ARID4A: variants seen among roughly 807,000 people sequenced by gnomAD.
ARID4A encodes AT-rich interaction domain 4A.
ARID4A carries 39 observed loss-of-function variants against 148.6 expected under a neutral mutation model. The observed-to-expected ratio is 0.26, with a 90% CI of 0.20 to 0.34. The LOEUF (loss-of-function observed/expected upper bound fraction) is 0.34, where lower values mean the gene tolerates loss of function less well. Ranked by LOEUF, ARID4A falls within the 10% of genes least tolerant of loss-of-function variation. ARID4A has a pLI of 1.00. For missense variants in ARID4A, 1,265 were observed against 1,449.1 expected, an observed-to-expected ratio of 0.87 and a Z score of 2.06; for synonymous variants, 475 against 481.2, an observed-to-expected ratio of 0.99 and a Z score of 0.17.
chr14:58,330,403 A>G (rs1159465937), intron 11 of ARID4A, among the ~76,000 whole-genome samples: 1 of 152,214 alleles, frequency 6.6e-6, no homozygotes, highest in African/African-American at 2.4e-5. Context: ...TTAATCAACA[A>G]GTGCAAACTG....
At chr14:58,302,695 C>T (rs2031279462) in intron 3 of ARID4A, among the ~76,000 whole-genome samples, 1 of 151,978 alleles carries the variant, frequency 6.6e-6, no homozygotes, top group South Asian at 2.1e-4. Context: ...TGGCTCACAC[C>T]TGCAGTCCCA....
intron 5 of ARID4A, among the ~76,000 whole-genome samples, chr14:58,315,352 A>C (rs922882113): frequency 1.3e-5 from 2 of 152,204 alleles, no homozygotes; most frequent in African/African-American, 4.8e-5. Context: ...GTTGAAATTC[A>C]AAAATTGCTG....
intron 12 of ARID4A, among the ~76,000 whole-genome samples, chr14:58,345,889 C>T (rs1401920106): frequency 1.3e-5 from 2 of 151,726 alleles, no homozygotes; most frequent in Non-Finnish European, 2.9e-5. Flanking sequence ...CACCACCACA[C>T]TCAGCTAATG....
chr14:58,346,570 G>A (rs1486449176), intron 13 of ARID4A, 65 bp downstream of exon 13: 1 of 1,031,756 alleles, frequency 9.7e-7, no homozygotes, highest in Non-Finnish European at 1.5e-6. Flanking sequence ...ATCTTATATT[G>A]CATTATTATA....
intron 5 of ARID4A, among the ~76,000 whole-genome samples, chr14:58,311,589 A>G (rs2140147104): frequency 6.6e-6 from 1 of 152,336 alleles, no homozygotes; most frequent in South Asian, 2.1e-4. Context: ...ACTCCTGGGT[A>G]TATAACCAAA....
rs1288572543 is a variant in ARID4A, at chr14:58,365,315, G to A, written c.3211+15G>A. 1 of 1,590,386 alleles carries A rather than the reference G, an allele frequency of 6.3e-7. No individual in the cohort carries two copies. ...CAGAGAGAAGGGTAAGGACTTTCTA[G>A]GGAAAAGTAAGTGTTTATATGAAAC... On this transcript the variant is annotated intron_variant, in intron 20 of 23. Coordinates refer to ENST00000355431, the MANE Select transcript of ARID4A (RefSeq NM_002892.4).
At position 58,318,640 on chromosome 14, in the gene ARID4A, A is replaced by G; in HGVS notation, c.354+19A>G. On this transcript the variant is annotated intron_variant, in intron 6 of 23. Coordinates refer to ENST00000355431, the MANE Select transcript of ARID4A (RefSeq NM_002892.4). ...GAGTGAGGTAGGGTGACACGGATGG[A>G]CGATTTGGATTGAACTACAGGTACT... 6.2e-7 allele frequency: 1 copy of G among 1,613,986 alleles called. No individual in the cohort carries two copies. Among genetic ancestry groups the G allele is most frequent in the Non-Finnish European group, 8.5e-7 (1 of 1,179,870 alleles).
At chr14:58,347,180 T>C in intron 14 of ARID4A, 63 bp downstream of exon 14, 2 of 931,810 alleles carry the variant, frequency 2.1e-6, no homozygotes, top group South Asian at 2.0e-5. Context: ...CCATTTACTT[T>C]GTTAACAAGA....
At chr14:58,354,626 T>G (rs2034787899) in intron 17 of ARID4A, among the ~76,000 whole-genome samples, 1 of 150,326 alleles carries the variant, frequency 6.7e-6, no homozygotes, top group Non-Finnish European at 1.5e-5. Context: ...GAGGCTGAGA[T>G]GAGCTATGAT....
chr14:58,338,286 C>T (rs1439576024), intron 11 of ARID4A, among the ~76,000 whole-genome samples: 1 of 152,066 alleles, frequency 6.6e-6, no homozygotes, highest in Non-Finnish European at 1.5e-5. Context: ...TTTAGTATTT[C>T]ACATTTTTAA....
intron 11 of ARID4A, among the ~76,000 whole-genome samples, chr14:58,340,376 G>A (rs949155257): frequency 6.6e-6 from 1 of 151,306 alleles, no homozygotes; most frequent in African/African-American, 2.4e-5. Context: ...TTGAGACAGA[G>A]TCTTGCTCTG....
At chr14:58,348,292 CTA>C (rs2034469979) in intron 15 of ARID4A, among the ~76,000 whole-genome samples, 1 of 152,192 alleles carries the variant, frequency 6.6e-6, no homozygotes, top group Non-Finnish European at 1.5e-5. Flanking sequence ...TTGCCCCACT[CTA>C]CACTAGAATC....
chr14:58,367,113 A>G (rs1292106947), intron 23 of ARID4A, 84 bp downstream of exon 23: 1 of 1,080,862 alleles, frequency 9.3e-7, no homozygotes, highest in Admixed American at 3.3e-5. Context: ...TACTCTTTGA[A>G]TATAGTACAC....
chr14:58,302,938 T>C (rs2031301196), intron 3 of ARID4A, among the ~76,000 whole-genome samples: 1 of 152,106 alleles, frequency 6.6e-6, no homozygotes, highest in South Asian at 2.1e-4. Flanking sequence ...CCAGGCCGGA[T>C]GACAGGGCAA....
In ARID4A at chr14:58,346,451, T is replaced by C. The variant is rs1349099603; in HGVS notation, c.1020T>C (p.Asp340=). 1 of 1,610,662 alleles carries C rather than the reference T, an allele frequency of 6.2e-7. No individual in the cohort carries two copies. Among genetic ancestry groups the C allele is most frequent in the South Asian group, 1.1e-5 (1 of 90,792 alleles). ...AACCACCTGTTTTGGGCTATAAAGATCTCAATCTCTTCAAACTCTTCAGAC... is the reference window on the plus strand; with the variant it reads ...AACCACCTGTTTTGGGCTATAAAGACCTCAATCTCTTCAAACTCTTCAGAC... ...INKPPVLGYK[D]LNLFKLFRLV... The change falls in exon 13 of 24, where the codon GAT becomes GAC. Residue 340 remains aspartate, a synonymous_variant. Coordinates refer to ENST00000355431, the MANE Select transcript of ARID4A (RefSeq NM_002892.4).
intron 4 of ARID4A, 83 bp downstream of exon 4, chr14:58,305,092 A>G (rs1594863035): frequency 8.6e-7 from 1 of 1,169,218 alleles, no homozygotes; most frequent in Middle Eastern, 2.9e-4. Context: ...ACATAGACTT[A>G]ACATTTTATG....
intron 5 of ARID4A, among the ~76,000 whole-genome samples, chr14:58,316,594 G>GT: frequency 6.6e-6 from 1 of 152,180 alleles, no homozygotes; most frequent in South Asian, 2.1e-4. Context: ...TTGTTTGTTT[G>GT]TTTTAGACGA....
At chr14:58,361,537 C>A in intron 19 of ARID4A, among the ~76,000 whole-genome samples, 1 of 152,124 alleles carries the variant, frequency 6.6e-6, no homozygotes, top group East Asian at 1.9e-4. Context: ...CTTATTCACA[C>A]ATAATTACAT....
chr14:58,312,362 A>G (rs1480975933), intron 5 of ARID4A, among the ~76,000 whole-genome samples: 1 of 151,914 alleles, frequency 6.6e-6, no homozygotes, highest in Non-Finnish European at 1.5e-5. Context: ...GATTACAGGC[A>G]TATACCATCA....
Sources: allele counts gnomAD v4.1 joint callset (sites outside exome capture counted in the v4.1 genomes callset), GRCh38; gene constraint gnomAD v4.1.1; transcripts MANE v1.5; gene names NCBI Gene and HGNC (gene_info 2026-07-23, HGNC 2026-07-21).